SAP30BP: variants seen among roughly 807,000 people sequenced by gnomAD.
The protein encoded by SAP30BP is SAP30-binding protein.
SAP30BP carries 31 observed loss-of-function variants against 46.3 expected under a neutral mutation model. The ratio of observed to expected loss-of-function variants is 0.67; its 90% CI spans 0.50 to 0.90. The LOEUF (loss-of-function observed/expected upper bound fraction) is 0.90. SAP30BP is among the 40% of genes least tolerant of loss of function. SAP30BP has a pLI of 0.00. For missense variants in SAP30BP, 312 were observed against 391.0 expected (o/e 0.80, Z 1.70); for synonymous variants, 169 against 144.2 (o/e 1.17, Z -1.23).
At position 75,686,344 on chromosome 17, in the gene SAP30BP, C is replaced by T. The variant is rs186714300; in HGVS notation, c.265-7096C>T. Among the ~76,000 whole-genome samples the T allele has an allele frequency of 3.1e-3, 464 of 152,018 alleles. 3 individuals carry two copies. The highest frequency in any genetic ancestry group is 0.011 in the African/African-American group (447 of 41,450). Reference sequence around the variant, plus strand: ...CATCCTGGCTAACGAGGTGAAACCCCGTCTCTACTAAAAATACAAAAATTA... The same window carrying T: ...CATCCTGGCTAACGAGGTGAAACCCTGTCTCTACTAAAAATACAAAAATTA... On this transcript the variant is annotated intron_variant, in intron 3 of 10. Transcript: ENST00000584667.
chr17:75,687,703 TC>T (rs1474821337), intron 3 of SAP30BP, among the ~76,000 whole-genome samples: 1 of 151,864 alleles, frequency 6.6e-6, no homozygotes, highest in Non-Finnish European at 1.5e-5. Context: ...TGGTGTCCCC[TC>T]CCCACCTTCT....
At chr17:75,696,436 C>T (rs1458034699) in intron 4 of SAP30BP, among the ~76,000 whole-genome samples, 2 of 151,416 alleles carry the variant, frequency 1.3e-5, no homozygotes, top group Non-Finnish European at 2.9e-5. Flanking sequence ...CCAAGCTACC[C>T]GGGAGGCTGA....
intron 4 of SAP30BP, among the ~76,000 whole-genome samples, chr17:75,696,376 TCC>T (rs1568317939): frequency 2.2e-4 from 27 of 123,038 alleles, no homozygotes; most frequent in South Asian, 2.5e-4. Flanking sequence ...CTACTAAAAA[TCC>T]AAAAAAAAAA....
intron 3 of SAP30BP, among the ~76,000 whole-genome samples, chr17:75,680,313 G>C (rs1041977105): frequency 6.6e-6 from 1 of 152,190 alleles, no homozygotes; most frequent in Non-Finnish European, 1.5e-5. Context: ...AAAAAGGCGT[G>C]TATAACCCCA....
At chr17:75,683,735 G>A (rs1568307958) in intron 3 of SAP30BP, 2 of 152,346 alleles carry the variant, frequency 1.3e-5, no homozygotes, top group South Asian at 4.1e-4. Flanking sequence ...TAGAGTTCAG[G>A]ATTTGGTAGC....
At position 75,706,117 on chromosome 17, in the gene SAP30BP, C is replaced by T; in HGVS notation, c.745+25C>T. ...GGTAGATTGCAGAGCTGCCCTGCCTCCTGCCACACACATGGAGCCAGGGTC... is the reference window on the plus strand; with the variant it reads ...GGTAGATTGCAGAGCTGCCCTGCCTTCTGCCACACACATGGAGCCAGGGTC... On this transcript the variant is annotated intron_variant, in intron 10 of 10. Coordinates refer to ENST00000584667, the MANE Select transcript of SAP30BP (RefSeq NM_013260.8). This position sits in a 1 kb window ranked among gnomAD's most constrained non-coding sequence, Gnocchi z 4.6. The T allele has an allele frequency of 6.2e-7, 1 of 1,602,046 alleles. No individual in the cohort carries two copies. The highest frequency in any genetic ancestry group is 8.5e-7 in the Non-Finnish European group (1 of 1,174,564).
In SAP30BP at chr17:75,703,338, TG is replaced by T. The variant is rs765639985; in HGVS notation, c.517del (p.Ala173ProfsTer28). On this transcript the variant is annotated frameshift_variant, in exon 7 of 11. Coordinates refer to ENST00000584667, the MANE Select transcript of SAP30BP (RefSeq NM_013260.8). LOFTEE classifies it high-confidence loss of function. The part of the protein sequence containing the change: ...SIYEKLIQFC[A>X]IDELGTNYPK... ...TCTACGAGAAGCTGATCCAGTTCTG[TG>T]CCATTGACGAGCTTGGCACCAACTA... is the stretch of plus-strand genomic sequence containing the variant. 6.2e-7 allele frequency: 1 copy of T among 1,614,130 alleles called. No individual in the cohort carries two copies. The highest frequency in any genetic ancestry group is 8.5e-7 in the Non-Finnish European group (1 of 1,180,036).
At chr17:75,699,898 T>A in intron 5 of SAP30BP, 27 bp downstream of exon 5, 1 of 1,526,548 alleles carries the variant, frequency 6.6e-7, no homozygotes, top group African/African-American at 1.4e-5. Context: ...GCTACTGAGG[T>A]CGGATAGATT....
At chr17:75,701,586 G>A (rs1241994813) in intron 5 of SAP30BP, among the ~76,000 whole-genome samples, 1 of 152,146 alleles carries the variant, frequency 6.6e-6, no homozygotes, top group Non-Finnish European at 1.5e-5. Context: ...AACCCTTGAT[G>A]CCCTCGATAA....
chr17:75,679,060 C>G (rs1010146836), intron 3 of SAP30BP, among the ~76,000 whole-genome samples: 3 of 147,624 alleles, frequency 2.0e-5, no homozygotes, highest in Admixed American at 1.4e-4. Flanking sequence ...GTGGCTCCAT[C>G]TCAGCTCACT....
chr17:75,677,571 A>G (rs1450504760), intron 3 of SAP30BP, among the ~76,000 whole-genome samples: 1 of 149,564 alleles, frequency 6.7e-6, no homozygotes, highest in Non-Finnish European at 1.5e-5. Flanking sequence ...AGCTGGGATT[A>G]CAGATGTGAA....
At chr17:75,667,604 G>A (rs1014264125) in intron 1 of SAP30BP, 126 bp downstream of exon 1, 1 of 777,374 alleles carries the variant, frequency 1.3e-6, no homozygotes, top group African/African-American at 1.7e-5. Flanking sequence ...GAATGGTCCA[G>A]GGTCCGGGGT....
intron 4 of SAP30BP, among the ~76,000 whole-genome samples, chr17:75,696,838 T>C (rs1228143401): frequency 1.4e-5 from 2 of 138,400 alleles, no homozygotes; most frequent in Non-Finnish European, 3.0e-5. Context: ...AGTGCAGTGG[T>C]GCAATCTCGG....
intron 3 of SAP30BP, among the ~76,000 whole-genome samples, chr17:75,674,141 A>C (rs1216645943): frequency 6.6e-6 from 1 of 152,096 alleles, no homozygotes; most frequent in Non-Finnish European, 1.5e-5. Context: ...AAGGACTACA[A>C]ATGATCCCCA....
At chr17:75,674,428 G>A (rs1318571571) in intron 3 of SAP30BP, among the ~76,000 whole-genome samples, 1 of 151,898 alleles carries the variant, frequency 6.6e-6, no homozygotes, top group Non-Finnish European at 1.5e-5. Context: ...CCGAGTAGCT[G>A]GGATTACAGG....
At chr17:75,681,982 T>C (rs754717201) in intron 3 of SAP30BP, among the ~76,000 whole-genome samples, 2 of 152,058 alleles carry the variant, frequency 1.3e-5, no homozygotes, top group Non-Finnish European at 2.9e-5. Flanking sequence ...CAACTGAGAA[T>C]TACTCTGCAG....
chr17:75,694,383 C>T (rs2060283722), intron 4 of SAP30BP, among the ~76,000 whole-genome samples: 1 of 152,190 alleles, frequency 6.6e-6, no homozygotes, highest in Admixed American at 6.5e-5. Flanking sequence ...ATCGTTCATT[C>T]TATTTGTCTT....
At chr17:75,691,515 A>G (rs1253567923) in intron 3 of SAP30BP, 2 of 455,182 alleles carry the variant, frequency 4.4e-6, no homozygotes, top group East Asian at 1.4e-4. Context: ...TACTTTACCT[A>G]AGGAGGCCCT....
intron 3 of SAP30BP, among the ~76,000 whole-genome samples, chr17:75,674,690 GTTT>G (rs1287087489): frequency 1.8e-4 from 7 of 39,574 alleles, no homozygotes; most frequent in African/African-American, 3.3e-4. Context: ...TTTTTTGTTT[GTTT>G]TTTGTTTTTT....
Sources: gnomAD v4.1 joint callset for allele counts (sites outside exome capture counted in the v4.1 genomes callset) on GRCh38, gnomAD v4.1.1 for gene constraint, Gnocchi (gnomAD v3.1) non-coding constraint, MANE v1.5 for transcripts, NCBI Gene and HGNC (gene_info 2026-07-23, HGNC 2026-07-21) for gene names.